TTC7B: variants seen among roughly 807,000 people sequenced by gnomAD.
TTC7B encodes the protein tetratricopeptide repeat protein 7B.
In TTC7B, 28 loss-of-function variants were observed where a neutral mutation model predicts 106.8. The observed-to-expected ratio is 0.26, with a 90% CI of 0.19 to 0.36. TTC7B has a LOEUF of 0.36. Among genes scored for constraint, TTC7B ranks in the 10% least tolerant of loss-of-function variants. The pLI, the probability that TTC7B is intolerant of heterozygous loss-of-function variation, is 1.00. For synonymous variants in TTC7B, 405 were observed against 430.6 expected (o/e 0.94, Z 0.74); for missense variants, 862 against 1,076.4 (o/e 0.80, Z 2.79).
Position 90,736,496 on chromosome 14 carries a change from C to T in TTC7B, c.577-6300G>A, listed in dbSNP as rs527470078. 1.7e-3 allele frequency among the ~76,000 whole-genome samples: 261 copies of T among 152,006 alleles called. 1 individual carries two copies. The highest frequency in any genetic ancestry group is 6.2e-3 in the African/African-American group (257 of 41,450). ...CTAAGGCAGGAGAATCACTTGAACC[C>T]AGGAGGCGGAGGTAGCCGTGAGCCA... On this transcript the variant is annotated intron_variant, in intron 4 of 19. Coordinates refer to ENST00000328459, the MANE Select transcript of TTC7B (RefSeq NM_001010854.2).
chr14:90,580,402 GC>G lies in TTC7B; in HGVS notation c.2108-2095del, dbSNP rs1331748584. Among the ~76,000 whole-genome samples the G allele has an allele frequency of 4.6e-5, 7 of 152,182 alleles. No individual in the cohort carries two copies. In the East Asian group the frequency reaches 1.2e-3, roughly 25 times the overall value. ...GAGGTGCAGAAAGCGTGAACACCCT[GC>G]CCAAGTTCTCAGGGCAAACTGGAGG... On this transcript the variant is annotated intron_variant, in intron 18 of 19. Transcript: ENST00000328459.
intron 3 of TTC7B, among the ~76,000 whole-genome samples, chr14:90,764,319 A>G (rs1367646328): frequency 1.3e-5 from 2 of 152,294 alleles, no homozygotes; most frequent in East Asian, 3.9e-4. Flanking sequence ...CTCAAAATGG[A>G]TCAGACACCT....
At chr14:90,723,848 G>C (rs1426087750) in intron 5 of TTC7B, among the ~76,000 whole-genome samples, 2 of 151,992 alleles carry the variant, frequency 1.3e-5, no homozygotes, top group Non-Finnish European at 2.9e-5. Context: ...CTCTTATATT[G>C]GCCAACATAT....
intron 6 of TTC7B, among the ~76,000 whole-genome samples, chr14:90,690,846 A>T (rs1193060205): frequency 6.6e-6 from 1 of 152,218 alleles, no homozygotes; most frequent in Non-Finnish European, 1.5e-5. Context: ...CACCACAAGG[A>T]AAATTAAATC....
Position 90,750,125 on chromosome 14 carries a change from C to G in TTC7B, c.446-5203G>C, listed in dbSNP as rs78310612. ...ATTTGCCAGAATAGTTCCAAAGCTA[C>G]TCAAAAGCAAATCGCAGATTTGGAA... On this transcript the variant is annotated intron_variant, in intron 3 of 19. Coordinates refer to ENST00000328459, the MANE Select transcript of TTC7B (RefSeq NM_001010854.2). Among the ~76,000 whole-genome samples, 1,001 of 152,272 alleles carry G rather than the reference C, an allele frequency of 6.6e-3. 8 individuals carry two copies. The highest frequency in any genetic ancestry group is 0.017 in the Middle Eastern group (5 of 294).
At chr14:90,681,906 T>C (rs1887066445) in intron 7 of TTC7B, among the ~76,000 whole-genome samples, 1 of 152,184 alleles carries the variant, frequency 6.6e-6, no homozygotes, top group Non-Finnish European at 1.5e-5. Flanking sequence ...TGTGTGTGCA[T>C]GTACATGCAC....
chr14:90,617,695 A>G (rs1351791646), intron 16 of TTC7B, among the ~76,000 whole-genome samples: 1 of 152,252 alleles, frequency 6.6e-6, no homozygotes, highest in East Asian at 1.9e-4. Context: ...CCAGTGGGTC[A>G]CTATGGCAGT....
At chr14:90,812,586 C>A (rs761893372) in intron 1 of TTC7B, among the ~76,000 whole-genome samples, 1 of 152,178 alleles carries the variant, frequency 6.6e-6, no homozygotes, top group Non-Finnish European at 1.5e-5. Flanking sequence ...CCAGGCCACA[C>A]TTCAGCCCAC....
rs1227668747 is a variant in TTC7B, at chr14:90,742,339, T to C, written c.576+2453A>G. ...CTTTCTCTTTCTCTCTCTCTCTCTT[T>C]CTCTCTTCCTTTCTTTCTTCATTTG... On this transcript the variant is annotated intron_variant, in intron 4 of 19. Coordinates refer to ENST00000328459, the MANE Select transcript of TTC7B (RefSeq NM_001010854.2). This position sits in a 1 kb window ranked among gnomAD's most constrained non-coding sequence, Gnocchi z 4.1. 6.6e-6 allele frequency among the ~76,000 whole-genome samples: 1 copy of C among 151,482 alleles called. No individual in the cohort carries two copies. Among genetic ancestry groups the C allele is most frequent in the Non-Finnish European group, 1.5e-5 (1 of 67,806 alleles).
chr14:90,627,565 G>T (rs1461972807), intron 15 of TTC7B, among the ~76,000 whole-genome samples: 1 of 152,208 alleles, frequency 6.6e-6, no homozygotes, highest in Non-Finnish European at 1.5e-5. Context: ...GGGAGGCTGT[G>T]GTGAGTGGCA....
chr14:90,768,642 C>A (rs190929067), intron 3 of TTC7B, among the ~76,000 whole-genome samples: 21 of 152,278 alleles, frequency 1.4e-4, no homozygotes, highest in Admixed American at 4.6e-4. Context: ...AAGAAATTCC[C>A]AAGTAAACAC....
chr14:90,724,141 T>C (rs1888999985), intron 5 of TTC7B, among the ~76,000 whole-genome samples: 1 of 152,196 alleles, frequency 6.6e-6, no homozygotes, highest in Non-Finnish European at 1.5e-5. Flanking sequence ...CTTTTCCAAA[T>C]CTTCACTCCC....
At chr14:90,689,327 C>T (rs1213468788) in intron 7 of TTC7B, among the ~76,000 whole-genome samples, 1 of 152,188 alleles carries the variant, frequency 6.6e-6, no homozygotes, top group African/African-American at 2.4e-5. Flanking sequence ...GAGATGAGAG[C>T]ATTCTCCTAC....
At chr14:90,765,267 A>G (rs11849837) in intron 3 of TTC7B, among the ~76,000 whole-genome samples, 48,022 of 151,866 alleles carry the variant, frequency 0.32, 10,824 homozygotes, top group African/African-American at 0.65. Context: ...CTATAGAGAC[A>G]GGGTATAGAT....
At position 90,532,486 on chromosome 14, in the gene TTC7B, A is replaced by C. The variant is rs1311383588; in HGVS notation, c.*8882T>G. ...ACCTGACGCTTTTGGGCTTCTGCTC[A>C]CCATCCCTCTTAAAGGTGAAGAAGC... On this transcript the variant is annotated 3_prime_UTR_variant, in exon 20 of 20. Transcript: ENST00000328459. The C allele has an allele frequency of 6.6e-6, 1 of 152,124 alleles. No individual in the cohort carries two copies. The highest frequency in any genetic ancestry group is 1.5e-5 in the Non-Finnish European group (1 of 68,042). 9.4% of individuals were successfully genotyped at this position (152,124 alleles called of 1,614,324 possible).
At chr14:90,695,379 T>C (rs941775912) in intron 6 of TTC7B, 121 bp downstream of exon 6, 3 of 413,710 alleles carry the variant, frequency 7.3e-6, no homozygotes, top group Non-Finnish European at 1.3e-5. Flanking sequence ...ATATGTCACA[T>C]ATATTTATAA....
intron 9 of TTC7B, among the ~76,000 whole-genome samples, chr14:90,667,519 C>T (rs1174193396): frequency 2.0e-5 from 3 of 152,180 alleles, no homozygotes; most frequent in African/African-American, 4.8e-5. Flanking sequence ...TTATCCCCTA[C>T]CCCCGCAAAC....
intron 3 of TTC7B, among the ~76,000 whole-genome samples, chr14:90,775,560 C>T (rs1248508408): frequency 2.6e-5 from 4 of 152,074 alleles, no homozygotes; most frequent in African/African-American, 7.2e-5. Flanking sequence ...GTAAACCGCC[C>T]GACATGGTGC....
chr14:90,529,190 C>A lies in TTC7B; in HGVS notation c.*12178G>T, dbSNP rs778926338. On this transcript the variant is annotated 3_prime_UTR_variant, in exon 20 of 20. Transcript: ENST00000328459. The stretch of plus-strand genomic sequence containing the variant: ...TGTTTCTGATGGCGTGACCTGACTG[C>A]GCTTTGTTACCTCTTTCCGATAGCG... The A allele has an allele frequency of 2.0e-5, 3 of 153,760 alleles. No homozygotes were observed. The highest frequency in any genetic ancestry group is 7.2e-5 in the African/African-American group (3 of 41,446). 9.5% of individuals were successfully genotyped at this position (153,760 alleles called of 1,614,324 possible).
Sources: gnomAD v4.1 joint callset for allele counts (sites outside exome capture counted in the v4.1 genomes callset) on GRCh38, gnomAD v4.1.1 for gene constraint, Gnocchi (gnomAD v3.1) non-coding constraint, MANE v1.5 for transcripts, NCBI Gene and HGNC (gene_info 2026-07-23, HGNC 2026-07-21) for gene names.